The following MARCHF3 variants were observed in gnomAD, a reference collection of about 807,000 sequenced individuals.
MARCHF3 encodes membrane associated ring-CH-type finger 3.
Under a neutral mutation model 24.2 loss-of-function variants are expected in MARCHF3, and 13 were observed. The ratio of observed to expected loss-of-function variants is 0.54; its 90% CI spans 0.35 to 0.85. The LOEUF (loss-of-function observed/expected upper bound fraction) is 0.85. MARCHF3 is among the 40% of genes least tolerant of loss of function. The pLI, the probability that MARCHF3 is intolerant of heterozygous loss-of-function variation, is 0.01. For synonymous variants in MARCHF3, 144 were observed against 137.3 expected, an observed-to-expected ratio of 1.05 and a Z score of -0.34; for missense variants, 276 against 325.0, an observed-to-expected ratio of 0.85 and a Z score of 1.16.
chr5:126,899,675 T>A (rs113289471), intron 3 of MARCHF3, among the ~76,000 whole-genome samples: 104 of 151,994 alleles, frequency 6.8e-4, no homozygotes, highest in Non-Finnish European at 1.2e-3. Flanking sequence ...CCAACTAGAG[T>A]ACAAAGAGAC....
chr5:126,889,064 C>T (rs1193012145), intron 3 of MARCHF3, among the ~76,000 whole-genome samples: 1 of 152,138 alleles, frequency 6.6e-6, no homozygotes, highest in Non-Finnish European at 1.5e-5. Context: ...TGTGGCTGGC[C>T]CTGTATGGTC....
At position 126,918,234 on chromosome 5, in the gene MARCHF3, G is replaced by C; in HGVS notation, c.-56-7C>G. 2.0e-6 allele frequency: 3 copies of C among 1,512,420 alleles called. No homozygotes were observed. Among genetic ancestry groups the C allele is most frequent in the Non-Finnish European group, 2.7e-6 (3 of 1,128,698 alleles). 93.7% of individuals were successfully genotyped at this position (1,512,420 alleles called of 1,614,324 possible). ...ATTCATACAGGATTTCCATCTAAGA[G>C]AGATCAGAAAACAGTTTACTTGGGC... On this transcript the variant is annotated splice_region_variant and splice_polypyrimidine_tract_variant and intron_variant, in intron 1 of 4. Transcript: ENST00000308660.
chr5:127,021,045 A>G (rs1054589475), intron 1 of MARCHF3, among the ~76,000 whole-genome samples: 6 of 152,090 alleles, frequency 3.9e-5, no homozygotes, highest in Non-Finnish European at 5.9e-5. Context: ...GTGAGTAACA[A>G]ATTTCTGCTA....
At chr5:126,984,046 G>A (rs886834776) in intron 1 of MARCHF3, among the ~76,000 whole-genome samples, 3 of 151,946 alleles carry the variant, frequency 2.0e-5, no homozygotes, top group African/African-American at 7.3e-5. Flanking sequence ...ACTGGGGTGG[G>A]GGGATATTAT....
intron 1 of MARCHF3, among the ~76,000 whole-genome samples, chr5:127,016,820 G>A (rs901139101): frequency 6.6e-6 from 1 of 152,032 alleles, no homozygotes; most frequent in African/African-American, 2.4e-5. Context: ...TATGTATTGC[G>A]GCACTATTCA....
Position 126,917,451 on chromosome 5 carries a change from C to T in MARCHF3, c.188+533G>A, listed in dbSNP as rs183775616. The stretch of plus-strand genomic sequence containing the variant: ...TGCGTGAAGGGTCAGGGATGGGGGA[C>T]CATTGAGGCTGAAGGAGAGGACAGC... On this transcript the variant is annotated intron_variant, in intron 2 of 4. Coordinates refer to ENST00000308660, the MANE Select transcript of MARCHF3 (RefSeq NM_178450.5). 3.9e-4 allele frequency among the ~76,000 whole-genome samples: 59 copies of T among 152,202 alleles called. 1 individual carries two copies. Among genetic ancestry groups the T allele is most frequent in the African/African-American group, 1.4e-3 (59 of 41,512 alleles).
At position 126,933,084 on chromosome 5, in the gene MARCHF3, G is replaced by T. The variant is rs575190998; in HGVS notation, c.-56-14857C>A. On this transcript the variant is annotated intron_variant, in intron 1 of 4. Transcript: ENST00000308660. ...CTGGGCACATAGTGGGAAATGTATG[G>T]TTTCTAAAAAAATAAAATAAAACAA... Among the ~76,000 whole-genome samples the T allele has an allele frequency of 1.1e-3, 166 of 152,054 alleles. 1 individual carries two copies. The highest frequency in any genetic ancestry group is 1.9e-3 in the Non-Finnish European group (129 of 68,006).
chr5:126,914,897 G>C (rs756070895), intron 3 of MARCHF3, 33 bp downstream of exon 3: 11 of 1,610,510 alleles, frequency 6.8e-6, no homozygotes, highest in African/African-American at 2.7e-5. Context: ...GCTCATTAGA[G>C]CTAAGTTTTC....
intron 3 of MARCHF3, among the ~76,000 whole-genome samples, chr5:126,890,888 G>A (rs1361948883): frequency 2.0e-5 from 3 of 148,096 alleles, no homozygotes; most frequent in African/African-American, 7.7e-5. Flanking sequence ...GGTTGAACTA[G>A]TTTACAGTCC....
chr5:126,901,515 A>G lies in MARCHF3; in HGVS notation c.393+13415T>C, dbSNP rs533180263. Among the ~76,000 whole-genome samples, 3 of 152,188 alleles carry G rather than the reference A, an allele frequency of 2.0e-5. No individual in the cohort carries two copies. In the South Asian group the frequency reaches 6.2e-4, roughly 32 times the overall value. ...TAACTGAAGATACTTCTCTCTGCTC[A>G]CTCGTTTACAACTGATTGTTAGGCA... On this transcript the variant is annotated intron_variant, in intron 3 of 4. Coordinates refer to ENST00000308660, the MANE Select transcript of MARCHF3 (RefSeq NM_178450.5).
chr5:126,877,696 C>T (rs72780289), intron 4 of MARCHF3, among the ~76,000 whole-genome samples: 1,566 of 152,214 alleles, frequency 0.01, 15 homozygotes, highest in Non-Finnish European at 0.016. Flanking sequence ...AGGCAAAGTG[C>T]GGCTCCACGT....
At chr5:126,954,558 G>C (rs1750370722) in intron 1 of MARCHF3, among the ~76,000 whole-genome samples, 2 of 151,432 alleles carry the variant, frequency 1.3e-5, no homozygotes, top group South Asian at 4.2e-4. Context: ...TTTTTGTAGA[G>C]AGGGGTCTCC....
At chr5:126,886,731 C>G (rs1753521705) in intron 3 of MARCHF3, among the ~76,000 whole-genome samples, 1 of 152,156 alleles carries the variant, frequency 6.6e-6, no homozygotes, top group South Asian at 2.1e-4. Context: ...TTTACAAGAT[C>G]CACTGCAGAA....
chr5:126,945,030 CTTT>C (rs1749962482), intron 1 of MARCHF3, among the ~76,000 whole-genome samples: 1 of 152,128 alleles, frequency 6.6e-6, no homozygotes. Flanking sequence ...TCCATCCCTT[CTTT>C]TTATTTGCTG....
chr5:127,015,944 C>T (rs1752626448), intron 1 of MARCHF3, among the ~76,000 whole-genome samples: 2 of 152,128 alleles, frequency 1.3e-5, no homozygotes, highest in African/African-American at 4.8e-5. Context: ...GTCTACATTC[C>T]CTGCCTGTCA....
chr5:126,893,664 A>C lies in MARCHF3; in HGVS notation c.394-15270T>G, dbSNP rs1299011620. On this transcript the variant is annotated intron_variant, in intron 3 of 4. Transcript: ENST00000308660. ...ACTGTGGTCTGAGAGACAGTTTGTT[A>C]TAATTTCTGTTCTTTTACATTTGCT... Among the ~76,000 whole-genome samples the C allele has an allele frequency of 6.8e-5, 10 of 146,244 alleles. 1 individual carries two copies. The highest frequency in any genetic ancestry group is 3.4e-3 in the Middle Eastern group (1 of 290).
chr5:126,880,890 A>C (rs1753320147), intron 3 of MARCHF3, among the ~76,000 whole-genome samples: 1 of 152,172 alleles, frequency 6.6e-6, no homozygotes, highest in African/African-American at 2.4e-5. Context: ...CACTGACCTC[A>C]TTAGCTAAGA....
At chr5:126,979,649 T>C (rs1051985838) in intron 1 of MARCHF3, among the ~76,000 whole-genome samples, 2 of 152,118 alleles carry the variant, frequency 1.3e-5, no homozygotes, top group African/African-American at 4.8e-5. Flanking sequence ...CTTTATTCCT[T>C]ATTAGAAATG....
intron 1 of MARCHF3, 145 bp downstream of exon 1, chr5:127,030,205 G>C (rs1301314503): frequency 6.6e-6 from 1 of 152,264 alleles, no homozygotes. Flanking sequence ...ATATTGGCAC[G>C]GAGTAAATCC....
Sources: gnomAD v4.1 joint callset for allele counts (sites outside exome capture counted in the v4.1 genomes callset) on GRCh38, gnomAD v4.1.1 for gene constraint, MANE v1.5 for transcripts, NCBI Gene and HGNC (gene_info 2026-07-23, HGNC 2026-07-21) for gene names.